ZBTB20: variants seen among roughly 807,000 people sequenced by gnomAD.
The protein encoded by ZBTB20 is zinc finger and BTB domain containing 20, also known as zinc finger and BTB domain-containing protein 20.
In ZBTB20, 9 loss-of-function variants were observed where a neutral mutation model predicts 56.9. That is an observed-to-expected ratio of 0.16 (90% CI 0.10 to 0.28). The LOEUF (loss-of-function observed/expected upper bound fraction) is 0.28. Ranked by LOEUF, ZBTB20 falls within the 10% of genes least tolerant of loss-of-function variation. ZBTB20 has a pLI of 1.00. For synonymous variants in ZBTB20, 417 were observed against 420.7 expected, an observed-to-expected ratio of 0.99 and a Z score of 0.11; for missense variants, 655 against 1,003.0, an observed-to-expected ratio of 0.65 and a Z score of 4.69.
At chr3:115,107,998 T>A (rs200761079) in intron 1 of ZBTB20, among the ~76,000 whole-genome samples, 1 of 149,306 alleles carries the variant, frequency 6.7e-6, no homozygotes, top group East Asian at 2.0e-4. Context: ...GGGTGGGGGG[T>A]GAGAGGAGGG....
At chr3:114,472,975 C>T (rs190522884) in intron 7 of ZBTB20, among the ~76,000 whole-genome samples, 18 of 152,310 alleles carry the variant, frequency 1.2e-4, no homozygotes, top group African/African-American at 3.4e-4. Context: ...CACGCTAAAC[C>T]TGTGCTGAGT....
At chr3:114,494,940 C>T (rs1338070431) in intron 7 of ZBTB20, among the ~76,000 whole-genome samples, 1 of 152,144 alleles carries the variant, frequency 6.6e-6, no homozygotes, top group Admixed American at 6.5e-5. Flanking sequence ...TATGATTTTG[C>T]TTGGAATATG....
At chr3:115,123,750 C>T (rs2084246801) in intron 1 of ZBTB20, among the ~76,000 whole-genome samples, 1 of 152,106 alleles carries the variant, frequency 6.6e-6, no homozygotes, top group African/African-American at 2.4e-5. Context: ...GGTTATGTAC[C>T]TTATATTCTT....
At chr3:114,811,792 A>G (rs1429455223) in intron 4 of ZBTB20, among the ~76,000 whole-genome samples, 1 of 152,214 alleles carries the variant, frequency 6.6e-6, no homozygotes, top group Non-Finnish European at 1.5e-5. Context: ...CATCACATAC[A>G]TTGCTTAAAG....
At chr3:114,993,139 A>G (rs1296689700) in intron 2 of ZBTB20, among the ~76,000 whole-genome samples, 2 of 152,022 alleles carry the variant, frequency 1.3e-5, no homozygotes, top group Non-Finnish European at 2.9e-5. Context: ...AGTGAATAAA[A>G]CATAATTCCT....
chr3:114,348,284 C>A (rs567985803), intron 11 of ZBTB20, among the ~76,000 whole-genome samples: 5 of 152,212 alleles, frequency 3.3e-5, no homozygotes, highest in South Asian at 4.2e-4. Flanking sequence ...CTTCCTGCAC[C>A]CCTCCCCCAT....
chr3:114,786,521 ATAC>A (rs1219189204), intron 5 of ZBTB20, among the ~76,000 whole-genome samples: 2 of 152,172 alleles, frequency 1.3e-5, no homozygotes, highest in Non-Finnish European at 2.9e-5. Flanking sequence ...TTGAATTAAT[ATAC>A]TGTCATAGGA....
chr3:114,908,203 G>A (rs1422968150), intron 3 of ZBTB20, among the ~76,000 whole-genome samples: 1 of 151,924 alleles, frequency 6.6e-6, no homozygotes, highest in Non-Finnish European at 1.5e-5. Context: ...TCTTTAAAAT[G>A]TCAGGCTATA....
chr3:114,801,305 C>CTTTTTTTTTTTT (rs1271102943), intron 4 of ZBTB20, 131 bp from the exon 5 acceptor site: 1 of 55,326 alleles, frequency 1.8e-5, no homozygotes, highest in Non-Finnish European at 3.7e-5. Flanking sequence ...TTCTTTTTTT[C>CTTTTTTTTTTTT]TTTTTTTTTT....
At chr3:114,757,949 C>T (rs1186970019) in intron 5 of ZBTB20, among the ~76,000 whole-genome samples, 2 of 151,990 alleles carry the variant, frequency 1.3e-5, no homozygotes, top group African/African-American at 4.8e-5. Context: ...GTTAAAACAT[C>T]TTGCAATTAT....
intron 3 of ZBTB20, among the ~76,000 whole-genome samples, chr3:114,974,112 T>C (rs1445298968): frequency 2.2e-5 from 3 of 137,246 alleles, no homozygotes; most frequent in East Asian, 4.3e-4. Flanking sequence ...CATAATGAAA[T>C]AGAAGGAACA....
intron 3 of ZBTB20, chr3:114,930,792 G>T: frequency 3.4e-6 from 1 of 297,678 alleles, no homozygotes. Flanking sequence ...GTAACCCCAG[G>T]AAGTACCTTA....
chr3:114,922,476 T>C (rs1456131384), intron 3 of ZBTB20, among the ~76,000 whole-genome samples: 5 of 152,080 alleles, frequency 3.3e-5, no homozygotes, highest in Non-Finnish European at 2.9e-5. Context: ...ACCCAATAGT[T>C]TCAGGATACA....
chr3:114,414,337 T>C (rs2088290710), intron 7 of ZBTB20, among the ~76,000 whole-genome samples: 1 of 152,076 alleles, frequency 6.6e-6, no homozygotes. Flanking sequence ...GAATGGGATA[T>C]CAAAATGGAA....
intron 5 of ZBTB20, among the ~76,000 whole-genome samples, chr3:114,738,203 A>T (rs1324346242): frequency 6.6e-6 from 1 of 152,062 alleles, no homozygotes; most frequent in Admixed American, 6.6e-5. Flanking sequence ...TAGATATGGT[A>T]AATATATTTA....
At chr3:114,452,419 C>T (rs1559807168) in intron 7 of ZBTB20, among the ~76,000 whole-genome samples, 1 of 152,142 alleles carries the variant, frequency 6.6e-6, no homozygotes, top group South Asian at 2.1e-4. Context: ...CCAAAAGTTC[C>T]CCTACTTCTA....
chr3:114,573,008 T>G (rs573160429), intron 6 of ZBTB20, among the ~76,000 whole-genome samples: 11 of 152,342 alleles, frequency 7.2e-5, no homozygotes, highest in African/African-American at 2.4e-4. Context: ...ATTATTAGAT[T>G]TGCATATTTT....
intron 4 of ZBTB20, among the ~76,000 whole-genome samples, chr3:114,841,197 A>T (rs2074369401): frequency 1.3e-5 from 2 of 152,224 alleles, no homozygotes; most frequent in South Asian, 4.1e-4. Context: ...ATAATTAGGG[A>T]ATCGGGGAAG....
intron 6 of ZBTB20, among the ~76,000 whole-genome samples, chr3:114,511,161 A>G (rs1052623266): frequency 1.3e-5 from 2 of 151,876 alleles, no homozygotes; most frequent in Admixed American, 6.6e-5. Context: ...GGTTTTTGTC[A>G]TGGCAAAGAA....
Sources: gnomAD v4.1 joint callset for allele counts (sites outside exome capture counted in the v4.1 genomes callset) on GRCh38, gnomAD v4.1.1 for gene constraint, MANE v1.5 for transcripts, NCBI Gene and HGNC (gene_info 2026-07-23, HGNC 2026-07-21) for gene names.